Variants in RYR2 observed in about 807,000 individuals in gnomAD.
The protein encoded by RYR2 is cardiac muscle ryanodine receptor-calcium release channel.
A neutral mutation model predicts 601.1 loss-of-function variants in RYR2; 227 were observed. That is an observed-to-expected ratio of 0.38 (90% CI 0.34 to 0.42). RYR2 has a LOEUF of 0.42. Ranked by LOEUF, RYR2 falls within the 10% of genes least tolerant of loss-of-function variation. The probability of loss-of-function intolerance (pLI) is 1.00; values close to 1 mark genes in which losing one functional copy is unlikely to be tolerated. For missense variants in RYR2, 4,646 were observed against 6,156.5 expected (o/e 0.75, Z 8.21); for synonymous variants, 2,223 against 2,175.1 (o/e 1.02, Z -0.61).
chr1:237,645,329 T>G (rs1682011190), intron 48 of RYR2, among the ~76,000 whole-genome samples: 1 of 152,208 alleles, frequency 6.6e-6, no homozygotes, highest in Non-Finnish European at 1.5e-5. Flanking sequence ...CTTCCCCGCC[T>G]TTGGCTTCCC....
chr1:237,380,359 AATATATATATATAT>A (rs57204036), intron 8 of RYR2, among the ~76,000 whole-genome samples: 73 of 29,266 alleles, frequency 2.5e-3, no homozygotes, highest in East Asian at 0.011. Context: ...AGAATACACA[AATATATATATATAT>A]ATATATATAT....
intron 8 of RYR2, among the ~76,000 whole-genome samples, chr1:237,379,040 T>G (rs1701247113): frequency 6.6e-6 from 1 of 152,232 alleles, no homozygotes; most frequent in African/African-American, 2.4e-5. Context: ...AAGCATTAAT[T>G]AAGCTCTTGC....
At chr1:237,369,200 C>A (rs546278832) in intron 5 of RYR2, among the ~76,000 whole-genome samples, 100 of 152,146 alleles carry the variant, frequency 6.6e-4, no homozygotes, top group African/African-American at 2.3e-3. Flanking sequence ...GACTAAGGTA[C>A]CATGGTTCCC....
chr1:237,434,714 G>C (rs1380548689), intron 12 of RYR2, among the ~76,000 whole-genome samples: 4 of 152,126 alleles, frequency 2.6e-5, no homozygotes, highest in African/African-American at 9.7e-5. Flanking sequence ...GGAAATGATG[G>C]AATAACAGTT....
intron 1 of RYR2, among the ~76,000 whole-genome samples, chr1:237,234,606 A>G (rs1275106904): frequency 6.6e-6 from 1 of 152,214 alleles, no homozygotes; most frequent in African/African-American, 2.4e-5. Flanking sequence ...ATGTAAATTG[A>G]AATGTTGCAA....
At chr1:237,762,716 T>C (rs533896894) in intron 84 of RYR2, among the ~76,000 whole-genome samples, 38 of 152,354 alleles carry the variant, frequency 2.5e-4, no homozygotes, top group African/African-American at 7.9e-4. Context: ...CAAAAGGAGA[T>C]TGATTTAACT....
intron 10 of RYR2, among the ~76,000 whole-genome samples, chr1:237,394,041 A>G (rs571950888): frequency 1.7e-4 from 26 of 152,250 alleles, no homozygotes; most frequent in African/African-American, 4.6e-4. Flanking sequence ...TAAAATCAAC[A>G]TTATACAAAA....
At chr1:237,298,737 T>G (rs1693058015) in intron 2 of RYR2, among the ~76,000 whole-genome samples, 1 of 152,190 alleles carries the variant, frequency 6.6e-6, no homozygotes, top group Non-Finnish European at 1.5e-5. Flanking sequence ...CAGTGGCTCA[T>G]GCCTATAATC....
At chr1:237,824,287 T>C (rs561396077) in intron 101 of RYR2, among the ~76,000 whole-genome samples, 24 of 152,150 alleles carry the variant, frequency 1.6e-4, no homozygotes, top group Non-Finnish European at 1.6e-4. Flanking sequence ...AATAAATTAC[T>C]GGCAAACCAA....
At chr1:237,187,563 C>A (rs1679508626) in intron 1 of RYR2, among the ~76,000 whole-genome samples, 1 of 151,580 alleles carries the variant, frequency 6.6e-6, no homozygotes, top group Non-Finnish European at 1.5e-5. Flanking sequence ...CCCACCTCAG[C>A]CTCCTGAATA....
At chr1:237,674,977 T>A (rs1439561574) in intron 60 of RYR2, 131 bp downstream of exon 60, 3 of 455,354 alleles carry the variant, frequency 6.6e-6, no homozygotes, top group Non-Finnish European at 1.2e-5. Context: ...ATCCTACTAC[T>A]AAGTAGAGTT....
At position 237,710,727 on chromosome 1, in the gene RYR2, C is replaced by T. The variant is rs1052121835; in HGVS notation, c.10231-1018C>T. On this transcript the variant is annotated intron_variant, in intron 70 of 104. Transcript: ENST00000366574. ...GATAGATAGATAGATAATGCATGCCCGGTGACAGGTGGGAGCATTGCTTGA... is the reference window on the plus strand; with the variant it reads ...GATAGATAGATAGATAATGCATGCCTGGTGACAGGTGGGAGCATTGCTTGA... 2.1e-3 allele frequency among the ~76,000 whole-genome samples: 54 copies of T among 25,420 alleles called. 1 individual carries two copies. The highest frequency in any genetic ancestry group is 0.019 in the Admixed American group (42 of 2,226). The allele number at this position is 25,420 out of a possible 152,430, so 16.7% of individuals were successfully genotyped here.
chr1:237,291,964 G>A (rs981246442), intron 2 of RYR2, among the ~76,000 whole-genome samples: 3 of 152,160 alleles, frequency 2.0e-5, no homozygotes, highest in African/African-American at 4.8e-5. Context: ...TTGTAACAGC[G>A]GTGTCACTTT....
intron 1 of RYR2, among the ~76,000 whole-genome samples, chr1:237,125,448 T>C (rs1380401573): frequency 2.0e-5 from 3 of 151,282 alleles, no homozygotes; most frequent in South Asian, 4.2e-4. Flanking sequence ...AGCAGACTTA[T>C]AGATCCTTAC....
At position 237,473,291 on chromosome 1, in the gene RYR2, G is replaced by A. The variant is rs189418571; in HGVS notation, c.1708+4104G>A. Among the ~76,000 whole-genome samples, 3 of 152,116 alleles carry A rather than the reference G, an allele frequency of 2.0e-5. No individual in the cohort carries two copies. In the East Asian group the frequency reaches 5.8e-4, roughly 29 times the overall value. Reference sequence around the variant, plus strand: ...ATACAAAAATTAGCAAGGCATGGTGGCAGGTACCTGTAATCCCAGCTACTG... The same window carrying A: ...ATACAAAAATTAGCAAGGCATGGTGACAGGTACCTGTAATCCCAGCTACTG... On this transcript the variant is annotated intron_variant, in intron 17 of 104. Coordinates refer to ENST00000366574, the MANE Select transcript of RYR2 (RefSeq NM_001035.3).
chr1:237,686,062 C>G (rs1351052508), intron 62 of RYR2, among the ~76,000 whole-genome samples: 1 of 152,244 alleles, frequency 6.6e-6, no homozygotes, highest in African/African-American at 2.4e-5. Context: ...CATCCTGCCA[C>G]TGATCAGCCA....
chr1:237,430,692 T>C (rs1019665416), intron 12 of RYR2, among the ~76,000 whole-genome samples: 8 of 152,222 alleles, frequency 5.3e-5, no homozygotes, highest in Admixed American at 3.9e-4. Context: ...TTCTGGGACA[T>C]AAGTTCTGTG....
intron 1 of RYR2, among the ~76,000 whole-genome samples, chr1:237,096,876 A>C (rs2148492987): frequency 6.6e-6 from 1 of 152,272 alleles, no homozygotes; most frequent in Non-Finnish European, 1.5e-5. Context: ...CTTGCCTCCT[A>C]AATTGTATTG....
At chr1:237,250,355 A>G (rs1292382866) in intron 1 of RYR2, among the ~76,000 whole-genome samples, 5 of 152,238 alleles carry the variant, frequency 3.3e-5, no homozygotes. Flanking sequence ...TCAACTCAGC[A>G]TGTCCAACTT....
Sources: gnomAD v4.1 joint callset for allele counts (sites outside exome capture counted in the v4.1 genomes callset) on GRCh38, gnomAD v4.1.1 for gene constraint, MANE v1.5 for transcripts, NCBI Gene and HGNC (gene_info 2026-07-23, HGNC 2026-07-21) for gene names.